Variants in ATF7IP observed in about 807,000 individuals in gnomAD.
ATF7IP encodes activating transcription factor 7 interacting protein, also known as activating transcription factor 7-interacting protein 1.
ATF7IP carries 23 observed loss-of-function variants against 106.4 expected under a neutral mutation model. The ratio of observed to expected loss-of-function variants is 0.22; its 90% CI spans 0.16 to 0.31. ATF7IP has a LOEUF of 0.31. ATF7IP is among the 10% of genes least tolerant of loss of function. The probability of loss-of-function intolerance (pLI) is 1.00; values close to 1 mark genes in which losing one functional copy is unlikely to be tolerated. For missense variants in ATF7IP, 1,334 were observed against 1,524.3 expected (o/e 0.88, Z 2.08); for synonymous variants, 542 against 539.0 (o/e 1.01, Z -0.08).
chr12:14,431,128 A>T (rs779429030), intron 2 of ATF7IP, among the ~76,000 whole-genome samples: 1 of 152,222 alleles, frequency 6.6e-6, no homozygotes, highest in Non-Finnish European at 1.5e-5. Flanking sequence ...ACCTTTACTT[A>T]ATGGAACCTT....
chr12:14,408,714 G>GT (rs34886676), intron 1 of ATF7IP, among the ~76,000 whole-genome samples: 2,547 of 152,206 alleles, frequency 0.017, 23 homozygotes, highest in Middle Eastern at 0.031. Context: ...ATGCTGCTCT[G>GT]TTTTGCCTCT....
chr12:14,431,385 T>A (rs1335382143), intron 2 of ATF7IP, among the ~76,000 whole-genome samples: 2 of 149,408 alleles, frequency 1.3e-5, no homozygotes. Flanking sequence ...GGACAGATTC[T>A]AAAAAAAACA....
intron 1 of ATF7IP, among the ~76,000 whole-genome samples, chr12:14,385,898 CT>C (rs572053404): frequency 2.0e-5 from 3 of 150,726 alleles, no homozygotes; most frequent in Non-Finnish European, 1.5e-5. Flanking sequence ...TGTCCAAAAT[CT>C]TTTTTTTTGG....
chr12:14,428,667 A>C (rs916668762), intron 2 of ATF7IP, among the ~76,000 whole-genome samples: 1 of 152,228 alleles, frequency 6.6e-6, no homozygotes. Flanking sequence ...TCTTCCTTCT[A>C]GCTACTAACA....
chr12:14,435,272 A>G (rs1942353022), intron 3 of ATF7IP, among the ~76,000 whole-genome samples: 2 of 152,196 alleles, frequency 1.3e-5, no homozygotes, highest in African/African-American at 2.4e-5. Context: ...GGGTTCAGTA[A>G]CTTTCCTGTC....
chr12:14,472,848 C>G (rs1944103681), intron 10 of ATF7IP, among the ~76,000 whole-genome samples: 1 of 152,052 alleles, frequency 6.6e-6, no homozygotes, highest in African/African-American at 2.4e-5. Context: ...TTAATCTCTT[C>G]TCACATTGCT....
chr12:14,487,570 G>C lies in ATF7IP; in HGVS notation c.3280+6385G>C, dbSNP rs192444534. Among the ~76,000 whole-genome samples, 20 of 152,300 alleles carry C rather than the reference G, an allele frequency of 1.3e-4. No individual in the cohort carries two copies. In the East Asian group the frequency reaches 3.3e-3, roughly 25 times the overall value. On this transcript the variant is annotated intron_variant, in intron 13 of 14. Transcript: ENST00000261168. ...AGGGAGGGTACGTTGCCCTCACTGG[G>C]TGTAGGGAAGCTGTTCCAATCAATA...
chr12:14,478,256 A>C (rs145226135), intron 11 of ATF7IP, 61 bp from the exon 12 acceptor site: 5 of 1,545,980 alleles, frequency 3.2e-6, no homozygotes. Context: ...TCCATAGAGG[A>C]AAGACTTGTA....
chr12:14,474,301 T>A (rs1944170937), intron 10 of ATF7IP, among the ~76,000 whole-genome samples: 1 of 151,824 alleles, frequency 6.6e-6, no homozygotes, highest in Non-Finnish European at 1.5e-5. Context: ...TTTATTTTAG[T>A]AATTATTTTT....
At chr12:14,453,087 T>C (rs1943272418) in intron 6 of ATF7IP, among the ~76,000 whole-genome samples, 1 of 152,192 alleles carries the variant, frequency 6.6e-6, no homozygotes, top group Non-Finnish European at 1.5e-5. Flanking sequence ...CTTATGGGAG[T>C]TCCCTTGTGT....
intron 1 of ATF7IP, among the ~76,000 whole-genome samples, chr12:14,412,875 T>A (rs896948829): frequency 2.0e-5 from 3 of 152,032 alleles, no homozygotes; most frequent in African/African-American, 7.2e-5. Flanking sequence ...TTAGCCAGGC[T>A]TGGTGGTTCA....
chr12:14,436,954 G>A (rs1231334464), intron 4 of ATF7IP, among the ~76,000 whole-genome samples: 1 of 151,868 alleles, frequency 6.6e-6, no homozygotes, highest in Non-Finnish European at 1.5e-5. Flanking sequence ...TTAAATATTA[G>A]CATTTTAATC....
At chr12:14,479,508 A>G (rs1466953723) in intron 12 of ATF7IP, among the ~76,000 whole-genome samples, 1 of 152,212 alleles carries the variant, frequency 6.6e-6, no homozygotes, top group Non-Finnish European at 1.5e-5. Flanking sequence ...CATTGAATTT[A>G]AGTGGGGTTT....
intron 9 of ATF7IP, among the ~76,000 whole-genome samples, chr12:14,462,304 GCTTA>G (rs1219505125): frequency 3.3e-5 from 5 of 152,050 alleles, no homozygotes; most frequent in Non-Finnish European, 7.4e-5. Context: ...TAAAAGAGAT[GCTTA>G]CTTTTAACTG....
chr12:14,468,601 G>A (rs1186013628), intron 10 of ATF7IP, among the ~76,000 whole-genome samples: 1 of 151,898 alleles, frequency 6.6e-6, no homozygotes, highest in African/African-American at 2.4e-5. Context: ...TGGCTTCAAG[G>A]AAGAGGAATT....
At position 14,460,619 on chromosome 12, in the gene ATF7IP, A is replaced by G. The variant is rs769101054; in HGVS notation, c.2283A>G (p.Val761=). Residue 761 remains valine (V), a synonymous_variant, in exon 9 of 15, where the codon GTA becomes GTG. Coordinates refer to ENST00000261168, the MANE Select transcript of ATF7IP (RefSeq NM_018179.5). ...TTCCTGCACCCAATACAGCTACTGT[A>G]GTTGCTACTACTCAGGTGCCTAGTG... ...SVLPAPNTAT[V]VATTQVPSGN... 6.2e-7 allele frequency: 1 copy of G among 1,614,176 alleles called. No homozygotes were observed. Among genetic ancestry groups the G allele is most frequent in the Non-Finnish European group, 8.5e-7 (1 of 1,180,026 alleles).
intron 8 of ATF7IP, among the ~76,000 whole-genome samples, chr12:14,459,888 A>G (rs1442034979): frequency 6.6e-6 from 1 of 152,168 alleles, no homozygotes; most frequent in African/African-American, 2.4e-5. Context: ...TTCATCTGTC[A>G]TCTTCGCTCA....
chr12:14,461,968 T>C (rs1943656510), intron 9 of ATF7IP, among the ~76,000 whole-genome samples: 1 of 152,134 alleles, frequency 6.6e-6, no homozygotes, highest in Non-Finnish European at 1.5e-5. Flanking sequence ...CTTTTATAAG[T>C]GAGATGTACA....
chr12:14,411,682 G>A (rs927079747), intron 1 of ATF7IP, among the ~76,000 whole-genome samples: 1 of 152,028 alleles, frequency 6.6e-6, no homozygotes, highest in Non-Finnish European at 1.5e-5. Flanking sequence ...TACAAGTCTC[G>A]TATTGGGTAT....
Sources: allele counts gnomAD v4.1 joint callset (sites outside exome capture counted in the v4.1 genomes callset), GRCh38; gene constraint gnomAD v4.1.1; transcripts MANE v1.5; gene names NCBI Gene and HGNC (gene_info 2026-07-23, HGNC 2026-07-21).